Variants in PLCB4 observed in about 807,000 individuals in gnomAD.
PLCB4 encodes the protein phospholipase C beta 4.
In PLCB4, 77 loss-of-function variants were observed where a neutral mutation model predicts 178.8. The ratio of observed to expected loss-of-function variants is 0.43; its 90% CI spans 0.36 to 0.52. PLCB4 has a LOEUF of 0.52. PLCB4 is among the 20% of genes least tolerant of loss of function. The pLI is 0.00. For synonymous variants in PLCB4, 496 were observed against 490.8 expected, an observed-to-expected ratio of 1.01 and a Z score of -0.14; for missense variants, 1,024 against 1,453.4, an observed-to-expected ratio of 0.70 and a Z score of 4.80.
chr20:9,442,759 G>A (rs1602759082), intron 30 of PLCB4, among the ~76,000 whole-genome samples: 2 of 152,146 alleles, frequency 1.3e-5, no homozygotes, highest in Non-Finnish European at 2.9e-5. Flanking sequence ...TAGGAGATCA[G>A]TAGAGAGCCC....
At chr20:9,178,101 C>A (rs2093184778) in intron 2 of PLCB4, among the ~76,000 whole-genome samples, 1 of 152,122 alleles carries the variant, frequency 6.6e-6, no homozygotes, top group African/African-American at 2.4e-5. Context: ...AGTGGATCAC[C>A]TGAAGTCAGG....
At chr20:9,210,740 C>T (rs1053789620) in intron 2 of PLCB4, among the ~76,000 whole-genome samples, 4 of 152,154 alleles carry the variant, frequency 2.6e-5, no homozygotes, top group African/African-American at 9.7e-5. Context: ...GTGGCCAGAT[C>T]AGGCCCATGG....
rs188429878 is a variant in PLCB4, at chr20:9,236,310, G to A, written c.-16+18858G>A. Among the ~76,000 whole-genome samples, 52 of 152,170 alleles carry A rather than the reference G, an allele frequency of 3.4e-4. 2 individuals are homozygous for A. In the East Asian group the frequency reaches 7.3e-3, roughly 21 times the overall value. ...CTCCACCCCTCCAACCCTGCCAACC[G>A]CCGCCTTCCAGAACAAGGAAGAATA... On this transcript the variant is annotated intron_variant, in intron 3 of 39. Transcript: ENST00000378473.
At chr20:9,472,483 A>G (rs939864936) in intron 36 of PLCB4, among the ~76,000 whole-genome samples, 7 of 152,256 alleles carry the variant, frequency 4.6e-5, no homozygotes. Context: ...GAGAGGAATA[A>G]GGAAAACTGA....
chr20:9,192,928 C>G (rs2093424342), intron 2 of PLCB4, among the ~76,000 whole-genome samples: 1 of 152,204 alleles, frequency 6.6e-6, no homozygotes, highest in Non-Finnish European at 1.5e-5. Flanking sequence ...CAAAAGGGGC[C>G]TATGCAGATC....
rs372627151 is a variant in PLCB4 at position 9,453,939 on chromosome 20, A to G, written c.2996+477A>G. Reference sequence around the variant, plus strand: ...AAACCAGGAAATTGACAGTGGTGCAATACCATTAACCAAGCCACAGTGATT... The same window carrying G: ...AAACCAGGAAATTGACAGTGGTGCAGTACCATTAACCAAGCCACAGTGATT... On this transcript the variant is annotated intron_variant, in intron 33 of 39. Coordinates refer to ENST00000378473, the MANE Select transcript of PLCB4 (RefSeq NM_001377142.1). 4.2e-4 allele frequency among the ~76,000 whole-genome samples: 64 copies of G among 152,336 alleles called. No individual in the cohort carries two copies. The East Asian group carries it at 9.6e-3, about 23-fold the overall frequency.
At chr20:9,417,286 C>T (rs972087441) in intron 25 of PLCB4, among the ~76,000 whole-genome samples, 5 of 152,006 alleles carry the variant, frequency 3.3e-5, no homozygotes, top group African/African-American at 9.7e-5. Context: ...ACCACTACCC[C>T]GTGGACATGA....
At chr20:9,462,386 C>G (rs2043461249) in intron 35 of PLCB4, among the ~76,000 whole-genome samples, 1 of 152,150 alleles carries the variant, frequency 6.6e-6, no homozygotes, top group Admixed American at 6.5e-5. Flanking sequence ...TCCTTGCCAG[C>G]AATGGAACAA....
intron 4 of PLCB4, among the ~76,000 whole-genome samples, chr20:9,333,347 G>A (rs1352149766): frequency 3.3e-5 from 5 of 152,062 alleles, no homozygotes; most frequent in Non-Finnish European, 7.4e-5. Flanking sequence ...GGATAATGAA[G>A]ACAAGGTCTG....
chr20:9,206,800 T>A (rs1434157860), intron 2 of PLCB4, among the ~76,000 whole-genome samples: 6 of 152,222 alleles, frequency 3.9e-5, no homozygotes, highest in Non-Finnish European at 8.8e-5. Flanking sequence ...GAGTTCTGGA[T>A]ACAATGGATG....
intron 2 of PLCB4, among the ~76,000 whole-genome samples, chr20:9,192,361 AG>A (rs1453626378): frequency 6.6e-6 from 1 of 151,956 alleles, no homozygotes; most frequent in African/African-American, 2.4e-5. Context: ...GTGCCAAGGG[AG>A]GTTTCTTAGG....
intron 32 of PLCB4, among the ~76,000 whole-genome samples, chr20:9,444,483 G>C (rs1047700731): frequency 1.3e-5 from 2 of 152,138 alleles, no homozygotes; most frequent in Non-Finnish European, 2.9e-5. Flanking sequence ...TGTTTCACTA[G>C]GCCGGGCACA....
At position 9,443,616 on chromosome 20, in the gene PLCB4, C is replaced by T. The variant is rs571116904; in HGVS notation, c.2765-365C>T. On this transcript the variant is annotated intron_variant, in intron 30 of 39. Coordinates refer to ENST00000378473, the MANE Select transcript of PLCB4 (RefSeq NM_001377142.1). Reference sequence around the variant, plus strand: ...CTTGGGTGCCATTTGTACTGAAGAGCTCCCTGCAGGATCAGACTGAGGCTG... The same window carrying T: ...CTTGGGTGCCATTTGTACTGAAGAGTTCCCTGCAGGATCAGACTGAGGCTG... Among the ~76,000 whole-genome samples, 7 of 152,284 alleles carry T rather than the reference C, an allele frequency of 4.6e-5. No homozygotes were observed. In the South Asian group the frequency reaches 1.5e-3, roughly 32 times the overall value.
Position 9,365,521 on chromosome 20 carries a change from A to AATC in PLCB4, c.503+10_503+12dup, listed in dbSNP as rs2035698356. On this transcript the variant is annotated splice_region_variant and intron_variant, in intron 9 of 39. Transcript: ENST00000378473. ...GTAAAATTCCAGTTAGGAGGTAAGT[A>AATC]ATCATTCCTATCTGCTGTCCGTGTC... The AATC allele has an allele frequency of 6.4e-7, 1 of 1,571,822 alleles. No individual in the cohort carries two copies. The highest frequency in any genetic ancestry group is 8.8e-7 in the Non-Finnish European group (1 of 1,142,044).
intron 2 of PLCB4, among the ~76,000 whole-genome samples, chr20:9,158,721 T>G (rs1419311859): frequency 3.9e-5 from 6 of 152,192 alleles, no homozygotes; most frequent in Non-Finnish European, 8.8e-5. Flanking sequence ...TATTCAATCC[T>G]AAGTAGATGC....
At chr20:9,213,364 T>C (rs1343733267) in intron 2 of PLCB4, among the ~76,000 whole-genome samples, 3 of 151,646 alleles carry the variant, frequency 2.0e-5, no homozygotes, top group Non-Finnish European at 2.9e-5. Flanking sequence ...AGGCTGGTCT[T>C]GAACTCCTGA....
chr20:9,185,094 G>A (rs1421190359), intron 2 of PLCB4, among the ~76,000 whole-genome samples: 2 of 151,982 alleles, frequency 1.3e-5, no homozygotes, highest in Non-Finnish European at 2.9e-5. Context: ...CACTGGTAGG[G>A]GTCTCACTAT....
intron 3 of PLCB4, among the ~76,000 whole-genome samples, chr20:9,228,856 C>T (rs2093898629): frequency 6.6e-6 from 1 of 152,158 alleles, no homozygotes; most frequent in Admixed American, 6.5e-5. Flanking sequence ...CTTCTGGGCC[C>T]ATGCAGAACC....
chr20:9,413,809 C>T (rs1455118556), intron 25 of PLCB4, among the ~76,000 whole-genome samples: 1 of 152,148 alleles, frequency 6.6e-6, no homozygotes, highest in Non-Finnish European at 1.5e-5. Context: ...CACCCAGGCT[C>T]AAGTGCAGTG....
Sources: gnomAD v4.1 joint callset for allele counts (sites outside exome capture counted in the v4.1 genomes callset) on GRCh38, gnomAD v4.1.1 for gene constraint, MANE v1.5 for transcripts, NCBI Gene and HGNC (gene_info 2026-07-23, HGNC 2026-07-21) for gene names.